The following DLGAP2 variants were observed in gnomAD, a reference collection of about 807,000 sequenced individuals.
The protein encoded by DLGAP2 is DLG associated protein 2.
DLGAP2 carries 26 observed loss-of-function variants against 100.3 expected under a neutral mutation model. That is an observed-to-expected ratio of 0.26 (90% confidence interval 0.19 to 0.36). The LOEUF (loss-of-function observed/expected upper bound fraction) is 0.36. DLGAP2 is among the 10% of genes least tolerant of loss of function. DLGAP2 has a pLI of 1.00. For missense variants in DLGAP2, 1,858 were observed against 1,453.2 expected, an observed-to-expected ratio of 1.28 and a Z score of -4.53; for synonymous variants, 886 against 630.1, an observed-to-expected ratio of 1.41 and a Z score of -6.08.
In DLGAP2 at chr8:1,432,741, A is replaced by G. The variant is rs564705593; in HGVS notation, c.107-68625A>G. 8.5e-5 allele frequency among the ~76,000 whole-genome samples: 13 copies of G among 152,076 alleles called. 1 individual carries two copies. In the South Asian group the frequency reaches 2.5e-3, roughly 29 times the overall value. On this transcript the variant is annotated intron_variant, in intron 3 of 14. Transcript: ENST00000637795. The stretch of plus-strand genomic sequence containing the variant: ...TGGTGAGATGCCAGGGCCTCTGGGG[A>G]CCTCCATGACCTGCCAGCATGCAGG...
chr8:1,458,069 A>C (rs988197402), intron 3 of DLGAP2, among the ~76,000 whole-genome samples: 1 of 128,320 alleles, frequency 7.8e-6, no homozygotes, highest in East Asian at 2.1e-4. Flanking sequence ...TATGTATATA[A>C]TTTTTTGTAT....
intron 5 of DLGAP2, among the ~76,000 whole-genome samples, chr8:1,550,031 T>C (rs1210242462): frequency 6.6e-6 from 1 of 152,112 alleles, no homozygotes; most frequent in Non-Finnish European, 1.5e-5. Flanking sequence ...TTCTTCCCCA[T>C]CCCCAGTCCC....
chr8:830,200 T>C (rs181361029), intron 1 of DLGAP2, among the ~76,000 whole-genome samples: 30 of 152,336 alleles, frequency 2.0e-4, no homozygotes, highest in Non-Finnish European at 3.5e-4. Flanking sequence ...TATATATTTA[T>C]GACGTACATG....
At chr8:1,080,273 C>A (rs1803760018) in intron 2 of DLGAP2, among the ~76,000 whole-genome samples, 2 of 152,226 alleles carry the variant, frequency 1.3e-5, no homozygotes, top group African/African-American at 4.8e-5. Context: ...GCGGGCGCCA[C>A]CCCCGCCCCG....
At chr8:1,537,387 T>A (rs1238113426) in intron 4 of DLGAP2, among the ~76,000 whole-genome samples, 94 of 152,252 alleles carry the variant, frequency 6.2e-4, no homozygotes, top group African/African-American at 1.8e-3. Context: ...ACAGTTTTTA[T>A]GTCATTAAAA....
At chr8:1,164,142 G>A (rs570030021) in intron 2 of DLGAP2, among the ~76,000 whole-genome samples, 1 of 28,524 alleles carries the variant, frequency 3.5e-5, no homozygotes, top group Non-Finnish European at 8.4e-5. Flanking sequence ...TGGTTTGTGG[G>A]GATTTTTCTG....
At chr8:848,372 TA>T (rs1797112106) in intron 1 of DLGAP2, among the ~76,000 whole-genome samples, 1 of 122,606 alleles carries the variant, frequency 8.2e-6, no homozygotes. Context: ...TGTTCCAGTG[TA>T]GGGTCGTGCG....
At chr8:1,173,892 C>T (rs1797190291) in intron 2 of DLGAP2, among the ~76,000 whole-genome samples, 1 of 152,232 alleles carries the variant, frequency 6.6e-6, no homozygotes, top group East Asian at 1.9e-4. Flanking sequence ...ACCCACTGAC[C>T]TGCGCCCACC....
chr8:1,556,300 C>T (rs980961733), intron 5 of DLGAP2, among the ~76,000 whole-genome samples: 3 of 152,166 alleles, frequency 2.0e-5, no homozygotes, highest in South Asian at 2.1e-4. Flanking sequence ...GGCTCTGCTC[C>T]TGTGGGTGTG....
chr8:810,063 G>T (rs1796343909), intron 1 of DLGAP2, among the ~76,000 whole-genome samples: 1 of 152,208 alleles, frequency 6.6e-6, no homozygotes, highest in South Asian at 2.1e-4. Flanking sequence ...ACGACTGGGG[G>T]TGTGAGCTTG....
chr8:1,430,123 T>G (rs973906374), intron 3 of DLGAP2, among the ~76,000 whole-genome samples: 2 of 148,854 alleles, frequency 1.3e-5, no homozygotes, highest in Admixed American at 1.3e-4. Flanking sequence ...TTTTGCCTTT[T>G]AGGATAATTT....
intron 2 of DLGAP2, among the ~76,000 whole-genome samples, chr8:1,163,036 G>A (rs1796922153): frequency 6.6e-6 from 1 of 152,210 alleles, no homozygotes; most frequent in Admixed American, 6.5e-5. Context: ...GTAGGACTCC[G>A]AGGTGAGGCC....
intron 1 of DLGAP2, among the ~76,000 whole-genome samples, chr8:786,612 G>T (rs1821874508): frequency 6.6e-6 from 1 of 151,982 alleles, no homozygotes; most frequent in African/African-American, 2.4e-5. Flanking sequence ...GGAACCAGCG[G>T]CTCTTCGGGA....
At chr8:756,230 G>A (rs1191921089) in intron 1 of DLGAP2, among the ~76,000 whole-genome samples, 1 of 152,164 alleles carries the variant, frequency 6.6e-6, no homozygotes, top group African/African-American at 2.4e-5. Flanking sequence ...TGGTGGCATA[G>A]GAGACGGGAG....
At chr8:1,288,741 G>C (rs1007319018) in intron 3 of DLGAP2, among the ~76,000 whole-genome samples, 1 of 148,308 alleles carries the variant, frequency 6.7e-6, no homozygotes, top group Non-Finnish European at 1.5e-5. Context: ...GTGTGTGTGC[G>C]TGGTTGTTAG....
At chr8:1,625,784 G>A (rs1004240767) in intron 6 of DLGAP2, among the ~76,000 whole-genome samples, 1 of 152,190 alleles carries the variant, frequency 6.6e-6, no homozygotes, top group Non-Finnish European at 1.5e-5. Flanking sequence ...TAAAATCTCA[G>A]GTTTCAAAGG....
intron 3 of DLGAP2, among the ~76,000 whole-genome samples, chr8:1,360,228 C>CCGGGGCGGGGCTTT (rs1801949707): frequency 8.0e-6 from 1 of 124,768 alleles, no homozygotes; most frequent in African/African-American, 3.2e-5. Flanking sequence ...GGCGGGGCTT[C>CCGGGGCGGGGCTTT]TCCGGGGCGG....
intron 1 of DLGAP2, among the ~76,000 whole-genome samples, chr8:799,888 C>T (rs4735927): frequency 0.25 from 38,185 of 152,162 alleles, 6,044 homozygotes; most frequent in African/African-American, 0.44. Context: ...AGAGCCACAG[C>T]TCCCGGCCCC....
chr8:1,300,802 C>T (rs1253450868), intron 3 of DLGAP2: 8 of 152,350 alleles, frequency 5.3e-5, no homozygotes, highest in East Asian at 1.9e-4. Flanking sequence ...CCTAAAACCA[C>T]GGTGTGTGTG....
Sources: gnomAD v4.1 joint callset for allele counts (sites outside exome capture counted in the v4.1 genomes callset) on GRCh38, gnomAD v4.1.1 for gene constraint, MANE v1.5 for transcripts, NCBI Gene and HGNC (gene_info 2026-07-23, HGNC 2026-07-21) for gene names.